Variants in PRKN observed in about 807,000 individuals in gnomAD.
PRKN encodes parkin RBR E3 ubiquitin protein ligase, also known as E3 ubiquitin-protein ligase parkin.
PRKN carries 56 observed loss-of-function variants against 59.5 expected under a neutral mutation model. That is an observed-to-expected ratio of 0.94 (90% confidence interval 0.76 to 1.18). The LOEUF is 1.18. Among genes scored for constraint, PRKN ranks in the 50% most tolerant of loss-of-function variants. The probability of loss-of-function intolerance (pLI) is 0.00; values close to 1 mark genes in which losing one functional copy is unlikely to be tolerated. For missense variants in PRKN, 657 were observed against 596.4 expected, an observed-to-expected ratio of 1.10 and a Z score of -1.06; for synonymous variants, 250 against 222.1, an observed-to-expected ratio of 1.13 and a Z score of -1.12.
intron 9 of PRKN, among the ~76,000 whole-genome samples, chr6:161,493,491 C>T (rs1045694763): frequency 6.6e-6 from 1 of 152,124 alleles, no homozygotes; most frequent in Admixed American, 6.5e-5. Context: ...ACTGCCTCTG[C>T]TAATGGAAGG....
At chr6:162,036,817 A>G (rs1783868566) in intron 5 of PRKN, among the ~76,000 whole-genome samples, 1 of 152,212 alleles carries the variant, frequency 6.6e-6, no homozygotes, top group Non-Finnish European at 1.5e-5. Flanking sequence ...AAACTATAAG[A>G]AATAATTTCT....
rs1212807179 is a variant in PRKN at position 161,399,745 on chromosome 6, G to A, written c.1084-12868C>T. On this transcript the variant is annotated intron_variant, in intron 9 of 11. Coordinates refer to ENST00000366898, the MANE Select transcript of PRKN (RefSeq NM_004562.3). The surrounding 1 kb of genome is among the most constrained non-coding windows in gnomAD (Gnocchi z 4.4). Reference sequence around the variant, plus strand: ...CCAGCATTCTAGTGTAATTCACTCTGCTAGTGTAATTCTGCAACACTTTTG... The same window carrying A: ...CCAGCATTCTAGTGTAATTCACTCTACTAGTGTAATTCTGCAACACTTTTG... 6.6e-6 allele frequency among the ~76,000 whole-genome samples: 1 copy of A among 152,094 alleles called. No homozygotes were observed. Among genetic ancestry groups the A allele is most frequent in the East Asian group, 1.9e-4 (1 of 5,190 alleles).
intron 2 of PRKN, among the ~76,000 whole-genome samples, chr6:162,400,044 T>A (rs1246899960): frequency 1.3e-5 from 2 of 151,928 alleles, no homozygotes; most frequent in Non-Finnish European, 2.9e-5. Flanking sequence ...CCATCTGTAC[T>A]GAAAATACAA....
At chr6:162,048,490 T>C (rs2128283880) in intron 5 of PRKN, among the ~76,000 whole-genome samples, 1 of 152,164 alleles carries the variant, frequency 6.6e-6, no homozygotes, top group African/African-American at 2.4e-5. Context: ...GAGTTAGGAT[T>C]CGGAACTCAG....
At chr6:161,838,035 C>G (rs1400306769) in intron 6 of PRKN, among the ~76,000 whole-genome samples, 1 of 152,112 alleles carries the variant, frequency 6.6e-6, no homozygotes, top group South Asian at 2.1e-4. Flanking sequence ...GGACAGAAAG[C>G]GGCTGAAGGA....
At chr6:162,518,823 A>T (rs1777972248) in intron 1 of PRKN, among the ~76,000 whole-genome samples, 1 of 152,216 alleles carries the variant, frequency 6.6e-6, no homozygotes, top group Non-Finnish European at 1.5e-5. Context: ...ACACTTCATC[A>T]CAACAAAGAA....
chr6:162,420,373 A>G (rs1788898948), intron 2 of PRKN, among the ~76,000 whole-genome samples: 1 of 152,134 alleles, frequency 6.6e-6, no homozygotes. Context: ...CTATTAGTTA[A>G]AAGGTTGTCC....
chr6:161,844,709 C>A lies in PRKN; in HGVS notation c.735-58801G>T, dbSNP rs543275483. ...TTTCCCCGATTCTTGTTCACAAGGT[C>A]AGAGGTTGAGGAAATGTCAATGCAA... is the stretch of plus-strand genomic sequence containing the variant. On this transcript the variant is annotated intron_variant, in intron 6 of 11. Transcript: ENST00000366898. Among the ~76,000 whole-genome samples the A allele has an allele frequency of 2.2e-4, 33 of 152,356 alleles. 1 individual carries two copies. In the South Asian group the frequency reaches 5.2e-3, roughly 24 times the overall value.
At chr6:162,450,338 ATTGTAATCCCCCTGTGAATGTAAACG>A (rs1790539868) in intron 1 of PRKN, among the ~76,000 whole-genome samples, 12 of 94,908 alleles carry the variant, frequency 1.3e-4, no homozygotes, top group Middle Eastern at 6.0e-3. Context: ...CGCCCCTGTG[ATTGTAATCCCCCTGTGAATGTAAACG>A]CCCCTGTGAT....
At chr6:162,662,980 G>A (rs977476744) in intron 1 of PRKN, among the ~76,000 whole-genome samples, 2 of 152,120 alleles carry the variant, frequency 1.3e-5, no homozygotes, top group Non-Finnish European at 2.9e-5. Context: ...GGAACCAAGA[G>A]CCTTGACAAG....
At chr6:162,419,952 C>T (rs914856715) in intron 2 of PRKN, among the ~76,000 whole-genome samples, 1 of 152,156 alleles carries the variant, frequency 6.6e-6, no homozygotes, top group African/African-American at 2.4e-5. Flanking sequence ...CAGCCCCCAA[C>T]CTTTTTGGCA....
chr6:161,410,687 A>G lies in PRKN; in HGVS notation c.1084-23810T>C, dbSNP rs2115001392. 6.6e-6 allele frequency among the ~76,000 whole-genome samples: 1 copy of G among 152,210 alleles called. No individual in the cohort carries two copies. The highest frequency in any genetic ancestry group is 6.5e-5 in the Admixed American group (1 of 15,306). Reference sequence around the variant, plus strand: ...GGGAAACATGGAATGGAGGATGGGGAGGATGCAGGGAAGAGAATCGGGGTC... The same window carrying G: ...GGGAAACATGGAATGGAGGATGGGGGGGATGCAGGGAAGAGAATCGGGGTC... On this transcript the variant is annotated intron_variant, in intron 9 of 11. Coordinates refer to ENST00000366898, the MANE Select transcript of PRKN (RefSeq NM_004562.3). The surrounding 1 kb of genome is among the most constrained non-coding windows in gnomAD (Gnocchi z 5.3).
At chr6:162,297,450 C>T (rs910677075) in intron 2 of PRKN, among the ~76,000 whole-genome samples, 1 of 151,982 alleles carries the variant, frequency 6.6e-6, no homozygotes, top group Non-Finnish European at 1.5e-5. Context: ...AAAAAAGGCA[C>T]AATTCTACAA....
chr6:162,684,672 TGTC>T (rs906957413), intron 1 of PRKN, among the ~76,000 whole-genome samples: 36 of 152,260 alleles, frequency 2.4e-4, no homozygotes, highest in African/African-American at 8.4e-4. Flanking sequence ...GGGTTACTGT[TGTC>T]TTCATGGTAC....
At chr6:161,696,934 G>A (rs1011296661) in intron 7 of PRKN, among the ~76,000 whole-genome samples, 3 of 152,298 alleles carry the variant, frequency 2.0e-5, no homozygotes, top group African/African-American at 4.8e-5. Flanking sequence ...AAGAGAACAT[G>A]TAAGCCCTAC....
chr6:161,977,050 G>GTA (rs1781060046), intron 5 of PRKN, among the ~76,000 whole-genome samples: 1 of 152,188 alleles, frequency 6.6e-6, no homozygotes, highest in South Asian at 2.1e-4. Context: ...TATTAAATAT[G>GTA]TATGCCTCAA....
chr6:161,485,009 A>G (rs915851047), intron 9 of PRKN, among the ~76,000 whole-genome samples: 19 of 152,232 alleles, frequency 1.2e-4, no homozygotes, highest in African/African-American at 4.3e-4. Flanking sequence ...GGAACCAGTC[A>G]GATCAGCTCA....
chr6:161,508,167 G>A (rs1258694623), intron 9 of PRKN, among the ~76,000 whole-genome samples: 1 of 152,206 alleles, frequency 6.6e-6, no homozygotes, highest in East Asian at 1.9e-4. Context: ...GAATAGCTGA[G>A]ATTCCAGGTG....
intron 1 of PRKN, among the ~76,000 whole-genome samples, chr6:162,480,322 C>A (rs1328786687): frequency 6.6e-6 from 1 of 152,100 alleles, no homozygotes; most frequent in African/African-American, 2.4e-5. Context: ...ACCACCCTTG[C>A]AGATGTGGTC....
Sources: gnomAD v4.1 joint callset for allele counts (sites outside exome capture counted in the v4.1 genomes callset) on GRCh38, gnomAD v4.1.1 for gene constraint, Gnocchi (gnomAD v3.1) non-coding constraint, MANE v1.5 for transcripts, NCBI Gene and HGNC (gene_info 2026-07-23, HGNC 2026-07-21) for gene names.